Variants in GPC5 observed in about 807,000 individuals in gnomAD.
The protein encoded by GPC5 is glypican 5.
A neutral mutation model predicts 53.9 loss-of-function variants in GPC5; 47 were observed. That is an observed-to-expected ratio of 0.87 (90% CI 0.69 to 1.11). The LOEUF is 1.11. Ranked by LOEUF, GPC5 falls within the 50% of genes most tolerant of loss-of-function variation. GPC5 has a pLI of 0.00. For missense variants in GPC5, 748 were observed against 713.1 expected, an observed-to-expected ratio of 1.05 and a Z score of -0.56; for synonymous variants, 286 against 263.3, an observed-to-expected ratio of 1.09 and a Z score of -0.84.
chr13:92,757,541 G>C (rs550067141), intron 7 of GPC5, among the ~76,000 whole-genome samples: 6 of 152,218 alleles, frequency 3.9e-5, no homozygotes, highest in African/African-American at 1.4e-4. Flanking sequence ...AGAGTGAACA[G>C]GCAACCTACA....
intron 5 of GPC5, among the ~76,000 whole-genome samples, chr13:91,837,997 T>C (rs928517578): frequency 1.3e-5 from 2 of 152,016 alleles, no homozygotes; most frequent in South Asian, 2.1e-4. Flanking sequence ...TAGATGAAAA[T>C]GGAGAGAACA....
At chr13:92,715,830 A>G (rs1888310276) in intron 7 of GPC5, among the ~76,000 whole-genome samples, 1 of 152,182 alleles carries the variant, frequency 6.6e-6, no homozygotes, top group Non-Finnish European at 1.5e-5. Context: ...CTCATACAAC[A>G]AACATGTTTT....
chr13:91,441,189 A>G (rs1440456602), intron 1 of GPC5, among the ~76,000 whole-genome samples: 1 of 152,116 alleles, frequency 6.6e-6, no homozygotes, highest in Admixed American at 6.5e-5. Flanking sequence ...ATATTTTGCC[A>G]GAGTTAATGG....
intron 7 of GPC5, among the ~76,000 whole-genome samples, chr13:92,666,614 TAAG>T (rs371301922): frequency 3.2e-3 from 492 of 152,338 alleles, no homozygotes; most frequent in Non-Finnish European, 5.7e-3. Context: ...GGCAATTTTA[TAAG>T]AAGATTAGTA....
At position 92,462,493 on chromosome 13, in the gene GPC5, G is replaced by A. The variant is rs558851273; in HGVS notation, c.1561+317504G>A. ...TTACTCAGATGTGGCAGAAGCAGGG[G>A]TTTTTCTTGAAGAAGAGCAATAATT... is the stretch of plus-strand genomic sequence containing the variant. On this transcript the variant is annotated intron_variant, in intron 7 of 7. Coordinates refer to ENST00000377067, the MANE Select transcript of GPC5 (RefSeq NM_004466.6). Among the ~76,000 whole-genome samples, 9 of 152,236 alleles carry A rather than the reference G, an allele frequency of 5.9e-5. 1 individual carries two copies. In the South Asian group the frequency reaches 1.9e-3, roughly 32 times the overall value.
chr13:92,399,897 T>C (rs2139335094), intron 7 of GPC5, among the ~76,000 whole-genome samples: 1 of 152,278 alleles, frequency 6.6e-6, no homozygotes, highest in Admixed American at 6.5e-5. Context: ...TTCCCAGGAG[T>C]ATTTGACATA....
intron 7 of GPC5, among the ~76,000 whole-genome samples, chr13:92,802,207 G>C (rs1876931718): frequency 6.6e-6 from 1 of 151,740 alleles, no homozygotes; most frequent in South Asian, 2.1e-4. Context: ...CGTTACAATT[G>C]CCTACAGTAT....
chr13:92,026,756 T>C (rs1001769102), intron 6 of GPC5, among the ~76,000 whole-genome samples: 1 of 152,108 alleles, frequency 6.6e-6, no homozygotes, highest in African/African-American at 2.4e-5. Flanking sequence ...TTGGAAACAC[T>C]GTATTGGTGG....
chr13:92,004,461 TATATA>T (rs1566389172), intron 6 of GPC5, among the ~76,000 whole-genome samples: 447 of 41,364 alleles, frequency 0.011, 6 homozygotes, highest in Non-Finnish European at 0.017. Flanking sequence ...AAAAAAATTA[TATATA>T]TATATATATA....
chr13:92,846,992 A>G (rs1878634688), intron 7 of GPC5, among the ~76,000 whole-genome samples: 1 of 152,158 alleles, frequency 6.6e-6, no homozygotes, highest in African/African-American at 2.4e-5. Flanking sequence ...CTAAGACTAC[A>G]TGGAGATGCT....
At chr13:91,656,151 T>G (rs1052772791) in intron 2 of GPC5, among the ~76,000 whole-genome samples, 6 of 152,164 alleles carry the variant, frequency 3.9e-5, no homozygotes, top group African/African-American at 1.4e-4. Flanking sequence ...GTACTCTTTT[T>G]CCAAAAATAA....
chr13:91,806,010 CA>C (rs2038213217), intron 5 of GPC5, among the ~76,000 whole-genome samples: 1 of 125,560 alleles, frequency 8.0e-6, no homozygotes, highest in Non-Finnish European at 1.7e-5. Context: ...GAACCTTCAA[CA>C]AATACAATAA....
At chr13:92,657,356 G>T (rs1156929729) in intron 7 of GPC5, among the ~76,000 whole-genome samples, 3 of 152,102 alleles carry the variant, frequency 2.0e-5, no homozygotes, top group Non-Finnish European at 4.4e-5. Context: ...TCTGACCAAA[G>T]GCCTCAGCCT....
chr13:91,803,899 G>T (rs2038177614), intron 5 of GPC5, among the ~76,000 whole-genome samples: 1 of 151,846 alleles, frequency 6.6e-6, no homozygotes. Flanking sequence ...ATAGAAAAAT[G>T]CAGATAAATA....
intron 5 of GPC5, among the ~76,000 whole-genome samples, chr13:91,816,418 C>A (rs572919521): frequency 1.3e-5 from 2 of 152,140 alleles, no homozygotes; most frequent in African/African-American, 4.8e-5. Flanking sequence ...GATTTGCTTT[C>A]AGGGAGGGAA....
At chr13:92,379,407 G>A (rs1004953362) in intron 7 of GPC5, among the ~76,000 whole-genome samples, 11 of 151,988 alleles carry the variant, frequency 7.2e-5, no homozygotes. Context: ...CATTGTTGGG[G>A]CAAAAAGGAG....
chr13:91,788,851 T>G (rs2037918646), intron 5 of GPC5, among the ~76,000 whole-genome samples: 1 of 152,212 alleles, frequency 6.6e-6, no homozygotes, highest in African/African-American at 2.4e-5. Context: ...AAACTTTGTG[T>G]TACATGATGT....
intron 2 of GPC5, among the ~76,000 whole-genome samples, chr13:91,541,845 A>ATAACAAACG (rs71200550): frequency 6.6e-6 from 1 of 151,584 alleles, no homozygotes; most frequent in Non-Finnish European, 1.5e-5. Context: ...AGCAGTGATC[A>ATAACAAACG]TTCTTATTTC....
intron 6 of GPC5, among the ~76,000 whole-genome samples, chr13:91,934,537 A>C (rs1029607195): frequency 1.3e-5 from 2 of 151,952 alleles, no homozygotes; most frequent in Admixed American, 1.3e-4. Context: ...ATCTTAAAAA[A>C]CTGGATGTCT....
Sources: allele counts gnomAD v4.1 joint callset (sites outside exome capture counted in the v4.1 genomes callset), GRCh38; gene constraint gnomAD v4.1.1; transcripts MANE v1.5; gene names NCBI Gene and HGNC (gene_info 2026-07-23, HGNC 2026-07-21).